Variants in ASXL2 observed in about 807,000 individuals in gnomAD.
The protein encoded by ASXL2 is putative Polycomb group protein ASXL2.
In ASXL2, 23 loss-of-function variants were observed where a neutral mutation model predicts 122.0. The ratio of observed to expected loss-of-function variants is 0.19; its 90% CI spans 0.14 to 0.27. The LOEUF (loss-of-function observed/expected upper bound fraction) is 0.27. Ranked by LOEUF, ASXL2 falls within the 10% of genes least tolerant of loss-of-function variation. The pLI is 1.00. For missense variants in ASXL2, 1,518 were observed against 1,713.8 expected (o/e 0.89, Z 2.02); for synonymous variants, 650 against 637.0 (o/e 1.02, Z -0.31).
At chr2:25,790,864 CA>C (rs1201399809) in intron 5 of ASXL2, among the ~76,000 whole-genome samples, 4 of 135,858 alleles carry the variant, frequency 2.9e-5, no homozygotes, top group Non-Finnish European at 6.1e-5. Context: ...AATACAGTGG[CA>C]TCATCATAGC....
intron 3 of ASXL2, among the ~76,000 whole-genome samples, chr2:25,824,121 T>G (rs1574434918): frequency 6.8e-6 from 1 of 147,820 alleles, no homozygotes; most frequent in African/African-American, 2.5e-5. Context: ...TTAGTAGTTA[T>G]GCTGAAATTA....
At chr2:25,781,975 T>C in intron 5 of ASXL2, among the ~76,000 whole-genome samples, 1 of 138,862 alleles carries the variant, frequency 7.2e-6, no homozygotes, top group East Asian at 2.0e-4. Context: ...TCTTTTTTTT[T>C]TTTTTTTTTT....
chr2:25,811,814 C>T lies in ASXL2; in HGVS notation c.144-5477G>A, dbSNP rs146622875. Reference sequence around the variant, plus strand: ...TCAGCAAGGCTGGAGTACAGTGGTGCGATCTTGGCTTACTGTAACCTCTGC... The same window carrying T: ...TCAGCAAGGCTGGAGTACAGTGGTGTGATCTTGGCTTACTGTAACCTCTGC... On this transcript the variant is annotated intron_variant, in intron 3 of 12. Transcript: ENST00000435504. Among the ~76,000 whole-genome samples the T allele has an allele frequency of 4.0e-3, 613 of 152,160 alleles. 3 individuals carry two copies. The highest frequency in any genetic ancestry group is 0.014 in the African/African-American group (565 of 41,522).
chr2:25,808,959 G>A (rs1236652436), intron 3 of ASXL2, among the ~76,000 whole-genome samples: 1 of 152,146 alleles, frequency 6.6e-6, no homozygotes, highest in Non-Finnish European at 1.5e-5. Flanking sequence ...CAGACAGGGT[G>A]GCCAGGGTGC....
At chr2:25,825,820 G>A (rs1356567588) in intron 3 of ASXL2, among the ~76,000 whole-genome samples, 1 of 152,078 alleles carries the variant, frequency 6.6e-6, no homozygotes, top group Admixed American at 6.5e-5. Flanking sequence ...AGGAATTGCT[G>A]GGTAAAATAA....
At chr2:25,755,813 CAT>C (rs2088120016) in intron 10 of ASXL2, among the ~76,000 whole-genome samples, 2 of 152,278 alleles carry the variant, frequency 1.3e-5, no homozygotes, top group African/African-American at 4.8e-5. Context: ...ATTAAAGAAA[CAT>C]ATTGCTAGAT....
In ASXL2 at chr2:25,743,235, C is replaced by A. The variant is rs144699852; in HGVS notation, c.3102G>T (p.Arg1034Ser). Reference protein sequence around the residue: ...LQSKQLPQVPRPLQLFSAKEL... With the variant: ...LQSKQLPQVPSPLQLFSAKEL... ...CCTTAGCTGAAAAGAGCTGAAGGGG[C>A]CTTGGAACCTGGGGGAGCTGCTTAC... Residue 1034 changes from arginine (R) to serine (S), a missense_variant, in exon 13 of 13, where the codon AGG becomes AGT. This residue lies in a region of ASXL2 where 831 missense variants were observed against 833.1 expected (regional missense o/e 1.00). Coordinates refer to ENST00000435504, the MANE Select transcript of ASXL2 (RefSeq NM_018263.6). The A allele has an allele frequency of 3.2e-4, 518 of 1,613,690 alleles. 3 individuals carry two copies. In the African/African-American group the frequency reaches 6.0e-3, roughly 19 times the overall value.
In ASXL2 at chr2:25,878,345, C is replaced by A; in HGVS notation, c.-123G>T. ...AGGTGGGAGAAAAGGGAAGTCAGAC[C>A]GGGGGGGCACCCAAGCAGAGGAAGC... On this transcript the variant is annotated 5_prime_UTR_variant, in exon 1 of 13. Transcript: ENST00000435504. 1.1e-6 allele frequency: 1 copy of A among 874,482 alleles called. No individual in the cohort carries two copies. The allele number at this position is 874,482 out of a possible 1,614,324, so 54.2% of individuals were successfully genotyped here. A position where few individuals can be genotyped will look rare whatever the true frequency, so the allele number is the denominator to read the frequency against.
chr2:25,792,546 C>CAAA (rs139707569), intron 5 of ASXL2, among the ~76,000 whole-genome samples: 2 of 151,310 alleles, frequency 1.3e-5, no homozygotes, highest in African/African-American at 4.9e-5. Flanking sequence ...TGATTAAAAA[C>CAAA]AAAAAAACAA....
chr2:25,754,096 G>C (rs10194371), intron 10 of ASXL2, among the ~76,000 whole-genome samples: 1 of 151,926 alleles, frequency 6.6e-6, no homozygotes, highest in Non-Finnish European at 1.5e-5. Flanking sequence ...ATAAAGAAAA[G>C]CTATGGCCCT....
At chr2:25,805,916 A>G (rs892032371) in intron 4 of ASXL2, among the ~76,000 whole-genome samples, 2 of 152,100 alleles carry the variant, frequency 1.3e-5, no homozygotes, top group African/African-American at 2.4e-5. Context: ...AGCTCAGGCA[A>G]TTTGCCCACC....
rs544614203 is a variant in ASXL2, at chr2:25,755,290, C to T, written c.1036+728G>A. 2.0e-5 allele frequency among the ~76,000 whole-genome samples: 3 copies of T among 152,322 alleles called. No homozygotes were observed. In the Middle Eastern group the frequency reaches 0.01, roughly 518 times the overall value. On this transcript the variant is annotated intron_variant, in intron 10 of 12. Coordinates refer to ENST00000435504, the MANE Select transcript of ASXL2 (RefSeq NM_018263.6). ...AGAGCAATAAAAACAAAATCATTGACACTGGTGTTTGCACATCAGTATTTT... is the reference window on the plus strand; with the variant it reads ...AGAGCAATAAAAACAAAATCATTGATACTGGTGTTTGCACATCAGTATTTT...
chr2:25,761,720 T>TA (rs1442884709), intron 8 of ASXL2, among the ~76,000 whole-genome samples: 1 of 151,436 alleles, frequency 6.6e-6, no homozygotes, highest in East Asian at 1.9e-4. Context: ...GTAAACTTCT[T>TA]AAAATGAAAT....
chr2:25,849,174 A>G (rs1317661899), intron 1 of ASXL2, among the ~76,000 whole-genome samples: 1 of 148,840 alleles, frequency 6.7e-6, no homozygotes, highest in Admixed American at 6.8e-5. Flanking sequence ...ACAGTGGCTC[A>G]CACCTGTAAT....
At chr2:25,756,167 C>T (rs571551717) in intron 9 of ASXL2, 53 bp from the exon 10 acceptor site, 26 of 1,150,536 alleles carry the variant, frequency 2.3e-5, no homozygotes, top group East Asian at 2.1e-4. Context: ...AAAGGTATCA[C>T]GTCGTATTTG....
intron 2 of ASXL2, among the ~76,000 whole-genome samples, chr2:25,836,050 T>TC: frequency 6.6e-6 from 1 of 152,280 alleles, no homozygotes. Flanking sequence ...TCATTACTAA[T>TC]CCTTCTTGAC....
chr2:25,822,409 A>G, intron 3 of ASXL2: 1 of 297,188 alleles, frequency 3.4e-6, no homozygotes, highest in Non-Finnish European at 6.4e-6. Context: ...TCGACTCCCT[A>G]GCAGCAGTCG....
intron 5 of ASXL2, among the ~76,000 whole-genome samples, chr2:25,777,128 G>A (rs1020654686): frequency 8.5e-5 from 13 of 152,068 alleles, no homozygotes; most frequent in African/African-American, 2.9e-4. Context: ...TCACTCTGTT[G>A]CCCAGGCTGG....
At chr2:25,752,445 T>C (rs767693078) in intron 11 of ASXL2, among the ~76,000 whole-genome samples, 29 of 152,218 alleles carry the variant, frequency 1.9e-4, no homozygotes, top group Admixed American at 3.9e-4. Context: ...AGAGGCTCTT[T>C]AATTACAGGT....
Sources: gnomAD v4.1 joint callset for allele counts (sites outside exome capture counted in the v4.1 genomes callset) on GRCh38, gnomAD v4.1.1 for gene constraint, gnomAD v4.1.1 regional missense constraint, MANE v1.5 for transcripts, NCBI Gene and HGNC (gene_info 2026-07-23, HGNC 2026-07-21) for gene names.